Variants in SRPK1 observed in about 807,000 individuals in gnomAD.
SRPK1 encodes the protein SRSF protein kinase 1.
A neutral mutation model predicts 89.5 loss-of-function variants in SRPK1; 52 were observed. The ratio of observed to expected loss-of-function variants is 0.58; its 90% confidence interval spans 0.46 to 0.73. The LOEUF is 0.73. Ranked by LOEUF, SRPK1 falls within the 30% of genes least tolerant of loss-of-function variation. The pLI is 0.00. For missense variants in SRPK1, 603 were observed against 780.6 expected (o/e 0.77, Z 2.71); for synonymous variants, 255 against 270.2 (o/e 0.94, Z 0.55).
chr6:35,870,846 T>C, intron 9 of SRPK1, 88 bp downstream of exon 9: 1 of 1,206,066 alleles, frequency 8.3e-7, no homozygotes, highest in Admixed American at 2.6e-5. Context: ...GTTCTCAAAC[T>C]TGAAACAAAC....
chr6:35,851,633 T>C (rs944547579), intron 13 of SRPK1, among the ~76,000 whole-genome samples: 1 of 152,174 alleles, frequency 6.6e-6, no homozygotes, highest in African/African-American at 2.4e-5. Context: ...AAACAGGATG[T>C]GTAGGGTGAA....
In SRPK1 at chr6:35,869,834, T is replaced by C. The variant is rs760893876; in HGVS notation, c.1059A>G (p.Glu353=). 6.2e-7 allele frequency: 1 copy of C among 1,611,292 alleles called. No homozygotes were observed. Among genetic ancestry groups the C allele is most frequent in the Non-Finnish European group, 8.5e-7 (1 of 1,178,590 alleles). ...CTTCAATCACTCCATTGCAATTAAT[T>C]TCTGCTGCACCACCCTCTGTATCAC... is the stretch of plus-strand genomic sequence containing the variant. The part of the protein sequence containing the change: ...MERDTEGGAA[E]INCNGVIEVI... Residue 353 remains glutamate (E), a synonymous_variant, in exon 11 of 16, where the codon GAA becomes GAG. Coordinates refer to ENST00000373825, the MANE Select transcript of SRPK1 (RefSeq NM_003137.5).
Position 35,920,569 on chromosome 6 carries a change from A to C in SRPK1, c.14-41T>G, listed in dbSNP as rs200745553. ...ATGGATGAAGGGCGAATGTGGAGGA[A>C]AGGAGGCGACCAAGGTGAGGGTGGA... On this transcript the variant is annotated intron_variant, in intron 1 of 15. Transcript: ENST00000373825. 8 of 1,601,134 alleles carry C rather than the reference A, an allele frequency of 5.0e-6. No homozygotes were observed. The South Asian group carries it at 8.8e-5, about 18-fold the overall frequency.
intron 12 of SRPK1, among the ~76,000 whole-genome samples, chr6:35,864,320 T>C (rs755756139): frequency 2.0e-5 from 3 of 150,672 alleles, no homozygotes; most frequent in South Asian, 2.1e-4. Flanking sequence ...AACCAGAATA[T>C]ATAAGGAGCT....
In SRPK1 at chr6:35,835,044, C is replaced by T. The variant is rs1390690756; in HGVS notation, c.*260G>A. 2 of 349,842 alleles carry T rather than the reference C, an allele frequency of 5.7e-6. No individual in the cohort carries two copies. Among genetic ancestry groups the T allele is most frequent in the East Asian group, 8.8e-5 (2 of 22,682 alleles). 21.7% of individuals were successfully genotyped at this position (349,842 alleles called of 1,614,324 possible). On this transcript the variant is annotated 3_prime_UTR_variant, in exon 16 of 16. Coordinates refer to ENST00000373825, the MANE Select transcript of SRPK1 (RefSeq NM_003137.5). ...CCTAATGGGAAGGAAAGGTACAGGG[C>T]AAGAGGCTGTTTCACATTTTAGTCC...
rs1196145326 is a variant in SRPK1, at chr6:35,851,262, C to T, written c.1620+5999G>A. On this transcript the variant is annotated intron_variant, in intron 13 of 15. Coordinates refer to ENST00000373825, the MANE Select transcript of SRPK1 (RefSeq NM_003137.5). ...CAGTCTTGGCTCACTGCAATCTCTG[C>T]CTCCTGGGTTCTAGCGATTCTCGTG... is the stretch of plus-strand genomic sequence containing the variant. Among the ~76,000 whole-genome samples the T allele has an allele frequency of 4.0e-5, 6 of 151,824 alleles. No homozygotes were observed. In the East Asian group the frequency reaches 9.7e-4, roughly 25 times the overall value.
chr6:35,912,131 C>A (rs1389839105), intron 2 of SRPK1, among the ~76,000 whole-genome samples: 3 of 151,844 alleles, frequency 2.0e-5, no homozygotes, highest in Non-Finnish European at 1.5e-5. Flanking sequence ...GCCAAGAATT[C>A]AAGGCCAGCT....
intron 6 of SRPK1, among the ~76,000 whole-genome samples, chr6:35,883,138 G>C (rs1257516247): frequency 2.0e-5 from 3 of 152,142 alleles, no homozygotes; most frequent in African/African-American, 7.2e-5. Flanking sequence ...AATTAAATAG[G>C]CTGGGCATGG....
intron 2 of SRPK1, among the ~76,000 whole-genome samples, chr6:35,907,775 C>G (rs1268182069): frequency 6.6e-6 from 1 of 151,988 alleles, no homozygotes; most frequent in Non-Finnish European, 1.5e-5. Flanking sequence ...GAAAGAGGAA[C>G]AGCCTTGATA....
chr6:35,838,930 C>A, intron 14 of SRPK1: 1 of 949,616 alleles, frequency 1.1e-6, no homozygotes, highest in Non-Finnish European at 1.4e-6. Flanking sequence ...GGAAGACTGA[C>A]TGGGAAGGCC....
chr6:35,920,765 T>C, intron 1 of SRPK1: 1 of 336,958 alleles, frequency 3.0e-6, no homozygotes, highest in Non-Finnish European at 5.3e-6. Flanking sequence ...GGTGGGGGTC[T>C]GCGTCGCCCG....
At chr6:35,859,170 T>A (rs1050318503) in intron 12 of SRPK1, among the ~76,000 whole-genome samples, 1 of 152,124 alleles carries the variant, frequency 6.6e-6, no homozygotes, top group Non-Finnish European at 1.5e-5. Context: ...AAATGAGGAA[T>A]TCGTGCTGTG....
At chr6:35,858,520 G>A (rs1299357652) in intron 12 of SRPK1, among the ~76,000 whole-genome samples, 3 of 152,060 alleles carry the variant, frequency 2.0e-5, no homozygotes, top group East Asian at 1.9e-4. Context: ...GAATGGCATC[G>A]GTCTTTAGTA....
chr6:35,843,118 A>ATG (rs1769349011), intron 13 of SRPK1, among the ~76,000 whole-genome samples: 1 of 149,614 alleles, frequency 6.7e-6, no homozygotes, highest in Admixed American at 6.6e-5. Context: ...ACAGGTGCCC[A>ATG]CCACCACGCC....
At chr6:35,891,474 C>T (rs549874063) in intron 2 of SRPK1, among the ~76,000 whole-genome samples, 1 of 152,226 alleles carries the variant, frequency 6.6e-6, no homozygotes, top group Admixed American at 6.5e-5. Flanking sequence ...AATCCCAGCA[C>T]TTTGGGAGGC....
At chr6:35,868,943 A>C in intron 12 of SRPK1, 67 bp downstream of exon 12, 1 of 1,289,580 alleles carries the variant, frequency 7.8e-7, no homozygotes, top group Non-Finnish European at 1.1e-6. Flanking sequence ...GTTTTGCATA[A>C]CTAAGTCCAA....
intron 2 of SRPK1, among the ~76,000 whole-genome samples, chr6:35,894,349 C>G (rs1770587265): frequency 6.6e-6 from 1 of 152,068 alleles, no homozygotes; most frequent in South Asian, 2.1e-4. Flanking sequence ...TTGACCATTC[C>G]CTAAATGTAG....
At chr6:35,917,986 C>T (rs538306648) in intron 2 of SRPK1, among the ~76,000 whole-genome samples, 79 of 152,318 alleles carry the variant, frequency 5.2e-4, no homozygotes, top group African/African-American at 1.9e-3. Context: ...CTCAAATCTT[C>T]TTCCTGACTC....
chr6:35,916,930 G>T (rs368247884), intron 2 of SRPK1, among the ~76,000 whole-genome samples: 309 of 152,224 alleles, frequency 2.0e-3, no homozygotes, highest in African/African-American at 7.2e-3. Flanking sequence ...CGTGGTGGCA[G>T]GTGCTTGTAA....
Sources: allele counts gnomAD v4.1 joint callset (sites outside exome capture counted in the v4.1 genomes callset), GRCh38; gene constraint gnomAD v4.1.1; transcripts MANE v1.5; gene names NCBI Gene and HGNC (gene_info 2026-07-23, HGNC 2026-07-21).